TMEM52: variants seen among roughly 807,000 people sequenced by gnomAD.
TMEM52 encodes transmembrane protein 52.
A neutral mutation model predicts 16.2 loss-of-function variants in TMEM52; 14 were observed. The ratio of observed to expected loss-of-function variants is 0.87; its 90% CI spans 0.57 to 1.35. TMEM52 has a LOEUF of 1.35. Among genes scored for constraint, TMEM52 ranks in the 40% most tolerant of loss-of-function variants. The pLI is 0.00. For synonymous variants in TMEM52, 136 were observed against 124.7 expected (o/e 1.09, Z -0.60); for missense variants, 309 against 278.6 (o/e 1.11, Z -0.78).
intron 3 of TMEM52, 181 bp downstream of exon 3, chr1:1,918,712 C>T (rs895130626): frequency 2.7e-6 from 2 of 753,082 alleles, no homozygotes; most frequent in Non-Finnish European, 4.3e-6. Context: ...GGGACTCCCG[C>T]GGAGGCCAGG....
In TMEM52 at chr1:1,918,139, G is replaced by A; in HGVS notation, c.373C>T (p.Leu125=). ...VTSYSSVQYP[L]GMRLPLPFGE... ...AAGGGCAGGGGCAACCGCATGCCCA[G>A]TGGGTACTGCACGGAGCTGTAGGCT... Residue 125 remains leucine, a synonymous_variant, in exon 5 of 5, where the codon CTG becomes TTG. Transcript: ENST00000310991. 6.2e-7 allele frequency: 1 copy of A among 1,613,316 alleles called. No individual in the cohort carries two copies. Among genetic ancestry groups the A allele is most frequent in the Non-Finnish European group, 8.5e-7 (1 of 1,179,984 alleles).
chr1:1,918,093 G>A lies in TMEM52; in HGVS notation c.419C>T (p.Ser140Phe), dbSNP rs371419881. ...CAGGCTGTAGGCAGGAGGAGCCATG[G>A]AGTCCAGGTCCAGCTCCCCAAAGGG... ...PLPFGELDLD[S>F]MAPPAYSLYT... is the part of the protein sequence containing the mutation. Residue 140 changes from serine to phenylalanine, a missense_variant, in exon 5 of 5, where the codon TCC (serine) becomes TTC (phenylalanine). By Grantham distance (155) the Ser-to-Phe change is radical (BLOSUM62 -2). Coordinates refer to ENST00000310991, the MANE Select transcript of TMEM52 (RefSeq NM_178545.4). The A allele has an allele frequency of 9.3e-6, 15 of 1,613,070 alleles. No individual in the cohort carries two copies. The highest frequency in any genetic ancestry group is 1.3e-5 in the Non-Finnish European group (15 of 1,179,726).
In TMEM52 at chr1:1,917,783, G is replaced by C; in HGVS notation, c.*99C>G. On this transcript the variant is annotated 3_prime_UTR_variant, in exon 5 of 5. Coordinates refer to ENST00000310991, the MANE Select transcript of TMEM52 (RefSeq NM_178545.4). ...CCAGGGGCCGGTGTAACATGGCACC[G>C]AGGTTGGGGCCACAGCAATGTGTGG... The C allele has an allele frequency of 7.4e-7, 1 of 1,352,096 alleles. No homozygotes were observed. The highest frequency in any genetic ancestry group is 1.5e-5 in the African/African-American group (1 of 68,674). 83.8% of individuals were successfully genotyped at this position (1,352,096 alleles called of 1,614,324 possible). A position where few individuals can be genotyped will look rare whatever the true frequency, so the allele number is the denominator to read the frequency against.
chr1:1,917,873 C>T lies in TMEM52; in HGVS notation c.*9G>A. On this transcript the variant is annotated 3_prime_UTR_variant, in exon 5 of 5. Coordinates refer to ENST00000310991, the MANE Select transcript of TMEM52 (RefSeq NM_178545.4). ...GTTCTCCAAGCTCTGGTCCGTTCTCCTACCTCCTTCAAGGGGCACCAGGGC... is the reference window on the plus strand; with the variant it reads ...GTTCTCCAAGCTCTGGTCCGTTCTCTTACCTCCTTCAAGGGGCACCAGGGC... The T allele has an allele frequency of 6.2e-7, 1 of 1,611,284 alleles. No homozygotes were observed. The highest frequency in any genetic ancestry group is 8.5e-7 in the Non-Finnish European group (1 of 1,178,392).
Position 1,918,254 on chromosome 1 carries a change from G to A in TMEM52, c.348C>T (p.Thr116=), listed in dbSNP as rs1651217797. The A allele has an allele frequency of 2.5e-6, 4 of 1,609,506 alleles. No homozygotes were observed. Among genetic ancestry groups the A allele is most frequent in the East Asian group, 2.2e-5 (1 of 44,758 alleles). Residue 116 remains threonine (T), a splice_region_variant and synonymous_variant, in exon 4 of 5, where the codon ACC becomes ACT. Coordinates refer to ENST00000310991, the MANE Select transcript of TMEM52 (RefSeq NM_178545.4). ...ACTGGCGGGCCCCTAGGCACTCACAGGTCACAGTGCTGTGTACAGGGCTGT... is the reference window on the plus strand; with the variant it reads ...ACTGGCGGGCCCCTAGGCACTCACAAGTCACAGTGCTGTGTACAGGGCTGT... The part of the protein sequence containing the change: ...DSDSPVHSTV[T]SYSSVQYPLG...
At chr1:1,918,974 A>T in intron 2 of TMEM52, 40 bp from the exon 3 acceptor site, 1 of 1,346,920 alleles carries the variant, frequency 7.4e-7, no homozygotes, top group South Asian at 1.9e-5. Flanking sequence ...GGGGCATGGG[A>T]CGGCCGACCT....
At position 1,918,594 on chromosome 1, in the gene TMEM52, G is replaced by T. The variant is rs1025588347; in HGVS notation, c.171-163C>A. The T allele has an allele frequency of 2.7e-5, 21 of 780,124 alleles. No homozygotes were observed. In the Admixed American group the frequency reaches 4.1e-4, roughly 15 times the overall value. 48.3% of individuals were successfully genotyped at this position (780,124 alleles called of 1,614,324 possible). ...CGTGGCCAGAGCCTGGCCTCGGGCT[G>T]CTGGGCCTGCCCTGGCTATCTCTCC... On this transcript the variant is annotated intron_variant, in intron 3 of 4. Transcript: ENST00000310991.
intron 3 of TMEM52, 69 bp downstream of exon 3, chr1:1,918,824 C>T: frequency 2.7e-6 from 4 of 1,474,692 alleles, no homozygotes; most frequent in Non-Finnish European, 2.7e-6. Flanking sequence ...AAGGGCCTGG[C>T]GGGCCTGGCC....
rs1217041382 is a variant in TMEM52 at position 1,917,747 on chromosome 1, A to G, written c.*135T>C. ...TGAGGCTGAAAGCAGCAGCCTGCCTAGTGGGTGACGCCAGGGGCCGGTGTA... is the reference window on the plus strand; with the variant it reads ...TGAGGCTGAAAGCAGCAGCCTGCCTGGTGGGTGACGCCAGGGGCCGGTGTA... On this transcript the variant is annotated 3_prime_UTR_variant, in exon 5 of 5. Transcript: ENST00000310991. The G allele has an allele frequency of 3.9e-6, 4 of 1,014,992 alleles. No individual in the cohort carries two copies. In the East Asian group the frequency reaches 9.6e-5, roughly 24 times the overall value. 62.9% of individuals were successfully genotyped at this position (1,014,992 alleles called of 1,614,324 possible). A position where few individuals can be genotyped will look rare whatever the true frequency, so the allele number is the denominator to read the frequency against.
chr1:1,918,560 G>A lies in TMEM52; in HGVS notation c.171-129C>T, dbSNP rs116067401. ...AAAGCAGACAATGTCTCTCCATGTC[G>A]GAGACCGCCGTGGCCAGAGCCTGGC... On this transcript the variant is annotated intron_variant, in intron 3 of 4. Coordinates refer to ENST00000310991, the MANE Select transcript of TMEM52 (RefSeq NM_178545.4). 7,072 of 908,264 alleles carry A rather than the reference G, an allele frequency of 7.8e-3. 42 individuals are homozygous for A. The highest frequency in any genetic ancestry group is 0.014 in the Middle Eastern group (65 of 4,716). 56.3% of individuals were successfully genotyped at this position (908,264 alleles called of 1,614,324 possible).
At position 1,918,174 on chromosome 1, in the gene TMEM52, C is replaced by T. The variant is rs1310116359; in HGVS notation, c.350-12G>A. 6.2e-7 allele frequency: 1 copy of T among 1,609,846 alleles called. No individual in the cohort carries two copies. Among genetic ancestry groups the T allele is most frequent in the Non-Finnish European group, 8.5e-7 (1 of 1,177,462 alleles). On this transcript the variant is annotated splice_polypyrimidine_tract_variant and intron_variant, in intron 4 of 4. Transcript: ENST00000310991. ...CACGGAGCTGTAGGCTGCAGGGAAC[C>T]AGAGTGGGTTCGTGGAGGCGGGCTT...
rs763506901 is a variant in TMEM52, at chr1:1,918,277, T to C, written c.325A>G (p.Ser109Gly). 3 of 1,612,680 alleles carry C rather than the reference T, an allele frequency of 1.9e-6. No homozygotes were observed. The highest frequency in any genetic ancestry group is 2.7e-5 in the African/African-American group (2 of 74,892). Residue 109 changes from serine to glycine, a missense_variant, in exon 4 of 5, where the codon AGC (serine) becomes GGC (glycine). By Grantham distance (56) the Ser-to-Gly change is moderately conservative. Coordinates refer to ENST00000310991, the MANE Select transcript of TMEM52 (RefSeq NM_178545.4). Reference sequence around the variant, plus strand: ...CAGGTCACAGTGCTGTGTACAGGGCTGTCACTGTCCATAGGGATGACTGCC... The same window carrying C: ...CAGGTCACAGTGCTGTGTACAGGGCCGTCACTGTCCATAGGGATGACTGCC... ...DVAVIPMDSD[S>G]PVHSTVTSYS...
intron 1 of TMEM52, 31 bp downstream of exon 1, chr1:1,919,151 C>A (rs1202117391): frequency 5.9e-6 from 8 of 1,363,942 alleles, no homozygotes; most frequent in Non-Finnish European, 7.5e-6. Flanking sequence ...CCCGCGGTGG[C>A]CGAACCGAGA....
intron 3 of TMEM52, 91 bp from the exon 4 acceptor site, chr1:1,918,522 G>A (rs766682549): frequency 3.6e-6 from 4 of 1,113,254 alleles, no homozygotes; most frequent in Non-Finnish European, 5.4e-6. Context: ...CCGAAGACAG[G>A]TTAACAGGAT....
Position 1,919,175 on chromosome 1 carries a change from G to A in TMEM52, c.84+7C>T. The A allele has an allele frequency of 9.5e-6, 13 of 1,371,564 alleles. No individual in the cohort carries two copies. The highest frequency in any genetic ancestry group is 1.5e-5 in the African/African-American group (1 of 65,746). The allele number at this position is 1,371,564 out of a possible 1,614,324, so 85.0% of individuals were successfully genotyped here. A position where few individuals can be genotyped will look rare whatever the true frequency, so the allele number is the denominator to read the frequency against. On this transcript the variant is annotated splice_region_variant and intron_variant, in intron 1 of 4. Transcript: ENST00000310991. ...GCCGAACCGAGAGAGAACGCCGCCCGACCCACCTGCGGCAGCGGCAGGAGC... is the reference window on the plus strand; with the variant it reads ...GCCGAACCGAGAGAGAACGCCGCCCAACCCACCTGCGGCAGCGGCAGGAGC...
At position 1,919,030 on chromosome 1, in the gene TMEM52, T is replaced by TC. The variant is rs897864580; in HGVS notation, c.128+14dup. The TC allele has an allele frequency of 1.3e-5, 17 of 1,325,114 alleles. No homozygotes were observed. The highest frequency in any genetic ancestry group is 1.4e-5 in the Non-Finnish European group (15 of 1,041,364). The allele number at this position is 1,325,114 out of a possible 1,614,324, so 82.1% of individuals were successfully genotyped here. A position where few individuals can be genotyped will look rare whatever the true frequency, so the allele number is the denominator to read the frequency against. On this transcript the variant is annotated intron_variant, in intron 2 of 4. Coordinates refer to ENST00000310991, the MANE Select transcript of TMEM52 (RefSeq NM_178545.4). The stretch of plus-strand genomic sequence containing the variant: ...AGGGCGGGGCCAGGCCCCGGCTCCC[T>TC]CCCCCCCGACTTACTGGTCCGAGGG...
In TMEM52 at chr1:1,918,092, G is replaced by A. The variant is rs751557560; in HGVS notation, c.420C>T (p.Ser140=). 6.2e-6 allele frequency: 10 copies of A among 1,613,044 alleles called. No homozygotes were observed. In the Admixed American group the frequency reaches 1.5e-4, roughly 24 times the overall value. ...ACAGGCTGTAGGCAGGAGGAGCCAT[G>A]GAGTCCAGGTCCAGCTCCCCAAAGG... ...PLPFGELDLD[S]MAPPAYSLYT... is the part of the protein sequence containing the mutation. Residue 140 remains serine, a synonymous_variant, in exon 5 of 5, where the codon TCC becomes TCT. Coordinates refer to ENST00000310991, the MANE Select transcript of TMEM52 (RefSeq NM_178545.4).
intron 3 of TMEM52, 135 bp downstream of exon 3, chr1:1,918,758 G>A: frequency 9.3e-7 from 1 of 1,076,098 alleles, no homozygotes; most frequent in East Asian, 2.6e-5. Flanking sequence ...GCTTGCTCCA[G>A]GTCAGTTCCC....
In TMEM52 at chr1:1,917,860, C is replaced by T. The variant is rs914600146; in HGVS notation, c.*22G>A. 4 of 1,606,116 alleles carry T rather than the reference C, an allele frequency of 2.5e-6. No individual in the cohort carries two copies. In the African/African-American group the frequency reaches 5.4e-5, roughly 22 times the overall value. Reference sequence around the variant, plus strand: ...GCTCCAAGCATTAGTTCTCCAAGCTCTGGTCCGTTCTCCTACCTCCTTCAA... The same window carrying T: ...GCTCCAAGCATTAGTTCTCCAAGCTTTGGTCCGTTCTCCTACCTCCTTCAA... On this transcript the variant is annotated 3_prime_UTR_variant, in exon 5 of 5. Coordinates refer to ENST00000310991, the MANE Select transcript of TMEM52 (RefSeq NM_178545.4).
Sources: allele counts gnomAD v4.1 joint callset, GRCh38; gene constraint gnomAD v4.1.1; transcripts MANE v1.5; gene names NCBI Gene and HGNC (gene_info 2026-07-23, HGNC 2026-07-21).